The following STT3A variants were observed in gnomAD, a reference collection of about 807,000 sequenced individuals.
The protein encoded by STT3A is dolichyl-diphosphooligosaccharide--protein glycosyltransferase subunit STT3A.
STT3A carries 34 observed loss-of-function variants against 89.2 expected under a neutral mutation model. The ratio of observed to expected loss-of-function variants is 0.38; its 90% CI spans 0.29 to 0.51. The LOEUF is 0.51. Ranked by LOEUF, STT3A falls within the 20% of genes least tolerant of loss-of-function variation. STT3A has a pLI of 0.89. For synonymous variants in STT3A, 282 were observed against 310.3 expected (o/e 0.91, Z 0.96); for missense variants, 555 against 889.5 (o/e 0.62, Z 4.78).
intron 17 of STT3A, among the ~76,000 whole-genome samples, 157 bp from the exon 18 acceptor site, chr11:125,620,615 G>T (rs536144740): frequency 6.6e-6 from 1 of 152,192 alleles, no homozygotes; most frequent in Non-Finnish European, 1.5e-5. Context: ...TAAGCAGAGA[G>T]AATCTAGTCT....
At chr11:125,599,355 AT>A (rs1260801664) in intron 3 of STT3A, among the ~76,000 whole-genome samples, 1 of 152,238 alleles carries the variant, frequency 6.6e-6, no homozygotes, top group Non-Finnish European at 1.5e-5. Context: ...ACGGTTAGTC[AT>A]GATTATCCAT....
chr11:125,619,957 C>T, intron 16 of STT3A, 54 bp from the exon 17 acceptor site: 1 of 1,447,794 alleles, frequency 6.9e-7, no homozygotes, highest in African/African-American at 1.4e-5. Context: ...TATACTGTCT[C>T]TCTAGGAAAT....
At chr11:125,619,718 G>A (rs1363252600) in intron 16 of STT3A, among the ~76,000 whole-genome samples, 9 of 152,118 alleles carry the variant, frequency 5.9e-5, no homozygotes, top group African/African-American at 7.2e-5. Context: ...TAGTGTATTA[G>A]AGGCTCTAAA....
At chr11:125,595,125 C>A (rs2702023) in intron 1 of STT3A, 5 of 151,482 alleles carry the variant, frequency 3.3e-5, no homozygotes, top group African/African-American at 1.2e-4. Context: ...TTGATTCAGT[C>A]GTGACTTCTA....
At position 125,606,324 on chromosome 11, in the gene STT3A, G is replaced by A; in HGVS notation, c.639G>A (p.Val213=). Residue 213 remains valine, a synonymous_variant, in exon 8 of 18, where the codon GTG becomes GTA. Coordinates refer to ENST00000392708, the MANE Select transcript of STT3A (RefSeq NM_152713.5). ...FYMVSSWGGY[V]FLINLIPLHV... ...AGGTCTCGTCATGGGGAGGTTATGT[G>A]TTCCTGATCAACTTAATTCCTCTCC... The A allele has an allele frequency of 1.9e-6, 3 of 1,613,912 alleles. No homozygotes were observed. The highest frequency in any genetic ancestry group is 1.7e-6 in the Non-Finnish European group (2 of 1,179,998).
chr11:125,592,483 T>G (rs1939329822), upstream of STT3A: 1 of 456,096 alleles, frequency 2.2e-6, no homozygotes, highest in South Asian at 1.5e-5. Flanking sequence ...CAAGGGCCTA[T>G]TTCAGCGTAG....
At chr11:125,600,831 G>T (rs1820088685) in intron 3 of STT3A, among the ~76,000 whole-genome samples, 1 of 152,118 alleles carries the variant, frequency 6.6e-6, no homozygotes, top group Non-Finnish European at 1.5e-5. Flanking sequence ...CTGTTGCCCA[G>T]TCTGGAGCAC....
chr11:125,620,257 C>A, intron 17 of STT3A, 131 bp downstream of exon 17: 1 of 676,302 alleles, frequency 1.5e-6, no homozygotes, highest in Non-Finnish European at 2.5e-6. Flanking sequence ...AAGTAGCTTG[C>A]AAACTCACTG....
At chr11:125,620,678 TAA>T in intron 17 of STT3A, 92 bp from the exon 18 acceptor site, 1 of 1,218,796 alleles carries the variant, frequency 8.2e-7, no homozygotes, top group Non-Finnish European at 1.2e-6. Context: ...GAACCCAACA[TAA>T]TCCTGCCCAC....
chr11:125,615,656 A>T (rs1940157631), intron 15 of STT3A, among the ~76,000 whole-genome samples: 1 of 152,394 alleles, frequency 6.6e-6, no homozygotes, highest in Middle Eastern at 3.4e-3. Context: ...ACCATTTTAT[A>T]TAAGGGACTT....
chr11:125,602,410 G>T lies in STT3A; in HGVS notation c.257G>T (p.Gly86Val). Residue 86 changes from glycine to valine, a missense_variant, in exon 4 of 18, where the codon GGA becomes GTA. Gly to Val is a moderately radical substitution (Grantham distance 109). This residue lies in a region of STT3A where 129 missense variants were observed against 193.2 expected (regional missense o/e 0.67). Coordinates refer to ENST00000392708, the MANE Select transcript of STT3A (RefSeq NM_152713.5). ...AWYPLGRIIG[G>V]TIYPGLMITS... is the part of the protein sequence containing the mutation. ...TACCCTTTGGGACGAATCATTGGAG[G>T]AACAATTTACCCAGGTGAGGAGACC... The T allele has an allele frequency of 6.2e-7, 1 of 1,607,690 alleles. No homozygotes were observed. The highest frequency in any genetic ancestry group is 1.1e-5 in the South Asian group (1 of 89,650).
At chr11:125,598,055 T>C (rs1939548098) in intron 3 of STT3A, among the ~76,000 whole-genome samples, 1 of 152,006 alleles carries the variant, frequency 6.6e-6, no homozygotes, top group African/African-American at 2.4e-5. Context: ...CTACTAAAAA[T>C]ACAAAAATTA....
At chr11:125,615,328 T>C (rs1940144959) in intron 15 of STT3A, among the ~76,000 whole-genome samples, 1 of 152,054 alleles carries the variant, frequency 6.6e-6, no homozygotes, top group Non-Finnish European at 1.5e-5. Context: ...TGCCCAAAAA[T>C]CTAAGCCCCC....
chr11:125,618,574 T>C lies in STT3A; in HGVS notation c.1963+13T>C, dbSNP rs749158699. ...TACACAGAAGCCAGTGAGTGACTCA[T>C]AATAATATTAATAACAGTAGTAATA... On this transcript the variant is annotated intron_variant, in intron 16 of 17. Transcript: ENST00000392708. 1 of 1,605,408 alleles carries C rather than the reference T, an allele frequency of 6.2e-7. No homozygotes were observed. Among genetic ancestry groups the C allele is most frequent in the East Asian group, 2.2e-5 (1 of 44,836 alleles).
At chr11:125,603,657 G>A (rs577276482) in intron 5 of STT3A, among the ~76,000 whole-genome samples, 1 of 152,276 alleles carries the variant, frequency 6.6e-6, no homozygotes, top group African/African-American at 2.4e-5. Flanking sequence ...GAGCTCAAAG[G>A]GTGCCTGGTG....
intron 8 of STT3A, among the ~76,000 whole-genome samples, chr11:125,606,855 A>G (rs1939855451): frequency 6.6e-6 from 1 of 152,238 alleles, no homozygotes; most frequent in East Asian, 1.9e-4. Context: ...GTAAAGCACA[A>G]ACCTTTAACC....
chr11:125,594,737 C>G (rs913364955), intron 1 of STT3A: 2 of 152,066 alleles, frequency 1.3e-5, no homozygotes, highest in African/African-American at 2.4e-5. Context: ...ACATTTTAAT[C>G]TACTTTTTTT....
intron 16 of STT3A, 94 bp from the exon 17 acceptor site, chr11:125,619,914 AATC>A (rs1940298855): frequency 8.7e-6 from 9 of 1,035,842 alleles, no homozygotes; most frequent in Admixed American, 2.3e-5. Context: ...GCTGAGGAAT[AATC>A]ATCAATTAGT....
intron 11 of STT3A, among the ~76,000 whole-genome samples, chr11:125,612,137 A>G (rs1940044370): frequency 6.6e-6 from 1 of 152,046 alleles, no homozygotes; most frequent in African/African-American, 2.4e-5. Flanking sequence ...TGGCCTCCCA[A>G]AGTGCTGGGA....
Sources: gnomAD v4.1 joint callset for allele counts (sites outside exome capture counted in the v4.1 genomes callset) on GRCh38, gnomAD v4.1.1 for gene constraint, gnomAD v4.1.1 regional missense constraint, MANE v1.5 for transcripts, NCBI Gene and HGNC (gene_info 2026-07-23, HGNC 2026-07-21) for gene names.